The following CTTN variants were observed in gnomAD, a reference collection of about 807,000 sequenced individuals.
The protein encoded by CTTN is cortactin.
A neutral mutation model predicts 84.0 loss-of-function variants in CTTN; 28 were observed. The ratio of observed to expected loss-of-function variants is 0.33; its 90% CI spans 0.25 to 0.46. The LOEUF is 0.46. Among genes scored for constraint, CTTN ranks in the 20% least tolerant of loss-of-function variants. The pLI is 1.00. For synonymous variants in CTTN, 301 were observed against 288.8 expected (o/e 1.04, Z -0.43); for missense variants, 641 against 723.8 (o/e 0.89, Z 1.31).
chr11:70,417,741 C>T (rs1405792673), intron 8 of CTTN, among the ~76,000 whole-genome samples: 2 of 152,204 alleles, frequency 1.3e-5, no homozygotes, highest in Non-Finnish European at 2.9e-5. Context: ...GGTGATCGCC[C>T]TGCCTTGGCC....
chr11:70,411,359 A>G (rs1288940244), intron 5 of CTTN, among the ~76,000 whole-genome samples: 5 of 124,398 alleles, frequency 4.0e-5, no homozygotes, highest in Admixed American at 3.3e-4. Flanking sequence ...GACGGAATCC[A>G]TGTGTTCAGT....
rs1484519696 is a variant in CTTN, at chr11:70,422,071, G to A, written c.901+491G>A. On this transcript the variant is annotated intron_variant, in intron 11 of 17. Transcript: ENST00000301843. ...TGGTTTCTGTGTTTCATTTGTGGTG[G>A]TGTTTTTGGCCGGGGTTGGGAGGTT... is the stretch of plus-strand genomic sequence containing the variant. The A allele has an allele frequency of 2.3e-5, 5 of 220,236 alleles. No homozygotes were observed. In the East Asian group the frequency reaches 3.2e-4, roughly 14 times the overall value. 13.6% of individuals were successfully genotyped at this position (220,236 alleles called of 1,614,324 possible).
rs1345190046 is a variant in CTTN, at chr11:70,436,473, G to C, written c.*1311G>C. On this transcript the variant is annotated 3_prime_UTR_variant, in exon 18 of 18. Transcript: ENST00000301843. The stretch of plus-strand genomic sequence containing the variant: ...TTGCTTTACCACAATGAGCAATGAG[G>C]TCGGGTTTTATATGCAACTTATTGT... 6.8e-7 allele frequency: 1 copy of C among 1,472,412 alleles called. No homozygotes were observed. The highest frequency in any genetic ancestry group is 1.8e-5 in the Admixed American group (1 of 57,090). 91.2% of individuals were successfully genotyped at this position (1,472,412 alleles called of 1,614,324 possible).
chr11:70,435,169 C>A lies in CTTN; in HGVS notation c.*7C>A, dbSNP rs770524097. The A allele has an allele frequency of 1.4e-5, 23 of 1,603,906 alleles. No individual in the cohort carries two copies. Among genetic ancestry groups the A allele is most frequent in the Non-Finnish European group, 1.7e-5 (20 of 1,175,942 alleles). On this transcript the variant is annotated 3_prime_UTR_variant, in exon 18 of 18. Coordinates refer to ENST00000301843, the MANE Select transcript of CTTN (RefSeq NM_005231.4). ...TGTGGAGCTGCGGCAGTAGGGCCCC[C>A]AGCCCCCCCCCGGAGCTGCGCCCTG...
chr11:70,419,267 C>A (rs1429543261), intron 8 of CTTN, among the ~76,000 whole-genome samples: 1 of 151,760 alleles, frequency 6.6e-6, no homozygotes, highest in Non-Finnish European at 1.5e-5. Context: ...TGGGCCACCA[C>A]GCCCAGCTAA....
intron 7 of CTTN, chr11:70,415,923 T>C (rs2058153091): frequency 2.7e-5 from 16 of 583,724 alleles, no homozygotes; most frequent in Non-Finnish European, 2.5e-5. Context: ...TACCACATGA[T>C]GGATGTATTC....
intron 15 of CTTN, 110 bp downstream of exon 15, chr11:70,431,390 G>T: frequency 8.4e-7 from 1 of 1,191,346 alleles, no homozygotes; most frequent in Admixed American, 1.7e-5. Context: ...CGTGGGTGTA[G>T]AGGGCATCGC....
At chr11:70,424,895 G>T (rs373096020) in intron 12 of CTTN, among the ~76,000 whole-genome samples, 1 of 152,124 alleles carries the variant, frequency 6.6e-6, no homozygotes, top group African/African-American at 2.4e-5. Flanking sequence ...CATCGCCGTC[G>T]CTTGGTCAGA....
chr11:70,408,284 A>G (rs2058065192), intron 4 of CTTN: 1 of 152,278 alleles, frequency 6.6e-6, no homozygotes, highest in South Asian at 2.1e-4. Context: ...TCCCGGGAAG[A>G]CTGTCCCGCT....
At chr11:70,419,299 G>A (rs2058201198) in intron 8 of CTTN, among the ~76,000 whole-genome samples, 1 of 151,786 alleles carries the variant, frequency 6.6e-6, no homozygotes, top group Admixed American at 6.6e-5. Flanking sequence ...TAGTAGAGAT[G>A]GGGTTTCATA....
Position 70,435,269 on chromosome 11 carries a change from T to TC in CTTN, c.*107_*108insC, listed in dbSNP as rs1418155765. 1 of 1,392,720 alleles carries TC rather than the reference T, an allele frequency of 7.2e-7. No individual in the cohort carries two copies. Among genetic ancestry groups the TC allele is most frequent in the African/African-American group, 1.5e-5 (1 of 67,552 alleles). 86.3% of individuals were successfully genotyped at this position (1,392,720 alleles called of 1,614,324 possible). A position where few individuals can be genotyped will look rare whatever the true frequency, so the allele number is the denominator to read the frequency against. ...GTTTTTTCTGTTTTTTTTTTTTTTT[T>TC]TTTTTTTTTGAAGGTGGGGAGGGGA... On this transcript the variant is annotated 3_prime_UTR_variant, in exon 18 of 18. Transcript: ENST00000301843.
chr11:70,406,682 G>A, intron 2 of CTTN, among the ~76,000 whole-genome samples: 1 of 152,202 alleles, frequency 6.6e-6, no homozygotes, highest in Non-Finnish European at 1.5e-5. Flanking sequence ...AGAGCTGCCT[G>A]ATAGAGGAAA....
chr11:70,408,837 T>G (rs958964901), intron 4 of CTTN, among the ~76,000 whole-genome samples: 1 of 152,138 alleles, frequency 6.6e-6, no homozygotes, highest in Non-Finnish European at 1.5e-5. Flanking sequence ...GACTTGGGAG[T>G]CCACTGTAGC....
intron 5 of CTTN, among the ~76,000 whole-genome samples, chr11:70,410,943 TGTG>T (rs1219091040): frequency 2.0e-5 from 3 of 152,084 alleles, no homozygotes; most frequent in African/African-American, 4.8e-5. Flanking sequence ...GAGTAGATGA[TGTG>T]GTGGGCCGGC....
chr11:70,411,504 C>T (rs2058096316), intron 5 of CTTN, among the ~76,000 whole-genome samples: 1 of 152,228 alleles, frequency 6.6e-6, no homozygotes, highest in African/African-American at 2.4e-5. Context: ...GCCTTTCCCA[C>T]TGCAGACTGA....
chr11:70,413,291 G>A (rs138381614), intron 5 of CTTN, among the ~76,000 whole-genome samples: 3 of 152,298 alleles, frequency 2.0e-5, no homozygotes, highest in Admixed American at 6.5e-5. Context: ...CCGATGTGCC[G>A]TGGACTTTCT....
chr11:70,401,359 C>G (rs1046161916), intron 1 of CTTN, among the ~76,000 whole-genome samples: 2 of 152,056 alleles, frequency 1.3e-5, no homozygotes, highest in Non-Finnish European at 2.9e-5. Flanking sequence ...GCCTGTAGTC[C>G]CAGCCACTCA....
At chr11:70,417,438 G>A (rs1008124951) in intron 8 of CTTN, among the ~76,000 whole-genome samples, 2 of 151,774 alleles carry the variant, frequency 1.3e-5, no homozygotes, top group Non-Finnish European at 2.9e-5. Context: ...GTGGTCTCAA[G>A]CAATCCTCCC....
chr11:70,404,152 G>A (rs929823897), intron 1 of CTTN, among the ~76,000 whole-genome samples: 2 of 152,232 alleles, frequency 1.3e-5, no homozygotes, highest in Non-Finnish European at 2.9e-5. Flanking sequence ...AAGGGAACTG[G>A]GGAGAGAGAT....
Sources: allele counts gnomAD v4.1 joint callset (sites outside exome capture counted in the v4.1 genomes callset), GRCh38; gene constraint gnomAD v4.1.1; transcripts MANE v1.5; gene names NCBI Gene and HGNC (gene_info 2026-07-23, HGNC 2026-07-21).